Variants in SIMC1 observed in about 807,000 individuals in gnomAD.
SIMC1 encodes SUMO-interacting motif-containing protein 1.
A neutral mutation model predicts 82.3 loss-of-function variants in SIMC1; 55 were observed. The observed-to-expected ratio is 0.67, with a 90% CI of 0.54 to 0.84. SIMC1 has a LOEUF of 0.84. Among genes scored for constraint, SIMC1 ranks in the 40% least tolerant of loss-of-function variants. SIMC1 has a pLI of 0.00. For missense variants in SIMC1, 915 were observed against 1,107.2 expected, an observed-to-expected ratio of 0.83 and a Z score of 2.46; for synonymous variants, 353 against 426.3, an observed-to-expected ratio of 0.83 and a Z score of 2.12.
intron 4 of SIMC1, among the ~76,000 whole-genome samples, chr5:176,304,955 A>G (rs1581279991): frequency 5.5e-5 from 3 of 54,798 alleles, no homozygotes; most frequent in African/African-American, 6.6e-5. Context: ...CCTGGCAACC[A>G]CCCCGTCTGA....
At chr5:176,335,758 T>C (rs757772034) in intron 7 of SIMC1, among the ~76,000 whole-genome samples, 2 of 152,072 alleles carry the variant, frequency 1.3e-5, no homozygotes, top group Admixed American at 6.5e-5. Flanking sequence ...AAAAAAATAC[T>C]ATGGCCAGAC....
At chr5:176,325,292 C>T (rs547027383) in intron 7 of SIMC1, among the ~76,000 whole-genome samples, 6 of 152,224 alleles carry the variant, frequency 3.9e-5, no homozygotes, top group African/African-American at 1.2e-4. Flanking sequence ...GAGGCTGAGA[C>T]ACGAAAATCG....
At chr5:176,271,855 T>C (rs2113179449) in intron 1 of SIMC1, among the ~76,000 whole-genome samples, 1 of 145,828 alleles carries the variant, frequency 6.9e-6, no homozygotes, top group African/African-American at 2.5e-5. Context: ...ACCCCATAGA[T>C]ATATATTATA....
chr5:176,305,892 C>T (rs1396588442), intron 4 of SIMC1, among the ~76,000 whole-genome samples: 23 of 84,254 alleles, frequency 2.7e-4, no homozygotes, highest in Non-Finnish European at 4.9e-4. Flanking sequence ...GCCGCCCCGT[C>T]CGGGAGGTGA....
intron 5 of SIMC1, among the ~76,000 whole-genome samples, chr5:176,321,001 C>T (rs1415578130): frequency 6.6e-6 from 1 of 152,104 alleles, no homozygotes; most frequent in Non-Finnish European, 1.5e-5. Context: ...ATTACCTCAC[C>T]CCTCATCCAT....
At chr5:176,319,695 T>G (rs1323453573) in intron 5 of SIMC1, among the ~76,000 whole-genome samples, 1 of 152,190 alleles carries the variant, frequency 6.6e-6, no homozygotes, top group East Asian at 1.9e-4. Flanking sequence ...ATTCTTATTT[T>G]CTTCTTTCCT....
intron 2 of SIMC1, 115 bp downstream of exon 2, chr5:176,291,070 A>G: frequency 1.5e-6 from 1 of 657,510 alleles, no homozygotes; most frequent in East Asian, 2.8e-5. Context: ...GAAATTTCTT[A>G]TCTTTCCTCC....
intron 9 of SIMC1, 48 bp downstream of exon 9, chr5:176,337,194 C>A: frequency 6.9e-7 from 1 of 1,441,832 alleles, no homozygotes; most frequent in Non-Finnish European, 9.8e-7. Context: ...TCTCAATGGA[C>A]ATTTGTATTA....
intron 1 of SIMC1, among the ~76,000 whole-genome samples, chr5:176,286,546 C>A (rs1468525590): frequency 6.6e-6 from 1 of 152,146 alleles, no homozygotes; most frequent in Non-Finnish European, 1.5e-5. Flanking sequence ...AGAAGAAAAC[C>A]TAGGCAATAC....
intron 7 of SIMC1, among the ~76,000 whole-genome samples, chr5:176,331,998 T>C (rs891745736): frequency 6.6e-6 from 1 of 151,968 alleles, no homozygotes; most frequent in African/African-American, 2.4e-5. Flanking sequence ...AAACTTTGCA[T>C]TATTCTTGCA....
At chr5:176,281,345 A>C (rs568677831) in intron 1 of SIMC1, among the ~76,000 whole-genome samples, 1 of 152,204 alleles carries the variant, frequency 6.6e-6, no homozygotes, top group South Asian at 2.1e-4. Context: ...AATTTTTTTC[A>C]AAGTTTTTAA....
At chr5:176,342,290 T>C (rs1766183796) in intron 9 of SIMC1, among the ~76,000 whole-genome samples, 1 of 152,218 alleles carries the variant, frequency 6.6e-6, no homozygotes, top group Non-Finnish European at 1.5e-5. Flanking sequence ...AGTCTATAGA[T>C]ACCCTGTTTG....
At chr5:176,266,752 G>A (rs1409324846) in intron 1 of SIMC1, among the ~76,000 whole-genome samples, 1 of 51,936 alleles carries the variant, frequency 1.9e-5, no homozygotes, top group East Asian at 4.7e-4. Flanking sequence ...TGTTCAATGA[G>A]TTAAACTATG....
At chr5:176,298,385 C>T (rs1384006963) in intron 4 of SIMC1, among the ~76,000 whole-genome samples, 9 of 152,178 alleles carry the variant, frequency 5.9e-5, no homozygotes, top group African/African-American at 1.4e-4. Flanking sequence ...CACACCTGTC[C>T]TGGAGTGGGA....
At chr5:176,284,654 C>T (rs556979424) in intron 1 of SIMC1, among the ~76,000 whole-genome samples, 10 of 151,936 alleles carry the variant, frequency 6.6e-5, no homozygotes, top group Non-Finnish European at 1.2e-4. Flanking sequence ...AGCTAGCCAG[C>T]GGAAGGCAAG....
chr5:176,289,556 T>C, intron 1 of SIMC1, 98 bp from the exon 2 acceptor site: 2 of 943,514 alleles, frequency 2.1e-6, no homozygotes, highest in South Asian at 1.8e-5. Flanking sequence ...GGTGAAATGG[T>C]AAAGTAATGC....
intron 5 of SIMC1, among the ~76,000 whole-genome samples, chr5:176,321,839 C>G (rs1765170689): frequency 6.8e-6 from 1 of 148,040 alleles, no homozygotes; most frequent in African/African-American, 2.5e-5. Flanking sequence ...CTGAAGTTAC[C>G]TTTGAATACT....
chr5:176,297,246 A>G (rs1763854095), intron 4 of SIMC1, among the ~76,000 whole-genome samples: 1 of 152,198 alleles, frequency 6.6e-6, no homozygotes, highest in East Asian at 1.9e-4. Context: ...CATGCCTGTA[A>G]TCCCAGCACT....
chr5:176,284,383 T>C (rs1369401233), intron 1 of SIMC1, among the ~76,000 whole-genome samples: 3 of 151,820 alleles, frequency 2.0e-5, no homozygotes, highest in Non-Finnish European at 4.4e-5. Context: ...TCAAAACCGC[T>C]CAACTACATG....
Sources: allele counts gnomAD v4.1 joint callset (sites outside exome capture counted in the v4.1 genomes callset), GRCh38; gene constraint gnomAD v4.1.1; transcripts MANE v1.5; gene names NCBI Gene and HGNC (gene_info 2026-07-23, HGNC 2026-07-21).